IL1RAPL1: variants seen among roughly 807,000 people sequenced by gnomAD.
The protein encoded by IL1RAPL1 is interleukin-1 receptor accessory protein-like 1.
IL1RAPL1 carries 3 observed loss-of-function variants against 48.4 expected under a neutral mutation model. The ratio of observed to expected loss-of-function variants is 0.06; its 90% CI spans 0.03 to 0.16. IL1RAPL1 has a LOEUF of 0.16. IL1RAPL1 is among the 10% of genes least tolerant of loss of function. The pLI, the probability that IL1RAPL1 is intolerant of heterozygous loss-of-function variation, is 1.00. For missense variants in IL1RAPL1, 349 were observed against 530.6 expected (o/e 0.66, Z 3.36); for synonymous variants, 185 against 187.7 (o/e 0.99, Z 0.12).
intron 5 of IL1RAPL1, among the ~76,000 whole-genome samples, chrX:29,417,433 A>G (rs139135010): frequency 8.0e-4 from 90 of 111,960 alleles, no homozygotes; most frequent in African/African-American, 2.8e-3. Context: ...TGAACTGTAA[A>G]TGGGCAGTTC....
intron 1 of IL1RAPL1, among the ~76,000 whole-genome samples, chrX:28,613,473 T>C (rs1281793067): frequency 2.7e-5 from 3 of 113,194 alleles, no homozygotes; most frequent in Non-Finnish European, 5.6e-5. Context: ...AAGGACGGCC[T>C]GAGGCCTGGG....
intron 2 of IL1RAPL1, among the ~76,000 whole-genome samples, chrX:29,044,783 G>A (rs1189036440): frequency 9.0e-6 from 1 of 110,985 alleles, no homozygotes; most frequent in East Asian, 2.8e-4. Flanking sequence ...CTTGAAACTT[G>A]TTAACACCCA....
At chrX:28,835,524 A>G in intron 2 of IL1RAPL1, among the ~76,000 whole-genome samples, 1 of 111,004 alleles carries the variant, frequency 9.0e-6, no homozygotes, top group Non-Finnish European at 1.9e-5. Context: ...TCTGACCTTA[A>G]TATCTTAGGA....
chrX:29,671,349 C>A (rs1282846000), intron 6 of IL1RAPL1, among the ~76,000 whole-genome samples: 2 of 111,482 alleles, frequency 1.8e-5, no homozygotes, highest in African/African-American at 3.3e-5. Flanking sequence ...CATTTAAATT[C>A]TTTTATTGTA....
At chrX:29,665,280 A>G (rs1395417633) in intron 5 of IL1RAPL1, among the ~76,000 whole-genome samples, 1 of 112,631 alleles carries the variant, frequency 8.9e-6, no homozygotes, top group African/African-American at 3.2e-5. Flanking sequence ...TTCGTAACAC[A>G]AGTTGTTTTC....
At chrX:29,189,806 T>C (rs1930319076) in intron 2 of IL1RAPL1, among the ~76,000 whole-genome samples, 1 of 111,684 alleles carries the variant, frequency 9.0e-6, no homozygotes, top group South Asian at 3.7e-4. Flanking sequence ...GATCTGTATA[T>C]CAGGAAATGT....
At chrX:28,816,866 A>T (rs1056707132) in intron 2 of IL1RAPL1, among the ~76,000 whole-genome samples, 7 of 110,414 alleles carry the variant, frequency 6.3e-5, no homozygotes, top group Admixed American at 1.9e-4. Flanking sequence ...CACCAACAGT[A>T]TATAAGCATT....
chrX:29,509,978 G>T (rs182890700), intron 5 of IL1RAPL1, among the ~76,000 whole-genome samples: 4 of 112,037 alleles, frequency 3.6e-5, no homozygotes, highest in Non-Finnish European at 7.5e-5. Flanking sequence ...ATTACTGTCA[G>T]TTTAAACTGA....
At chrX:29,238,835 A>T (rs750124384) in intron 2 of IL1RAPL1, among the ~76,000 whole-genome samples, 1 of 112,587 alleles carries the variant, frequency 8.9e-6, no homozygotes, top group East Asian at 2.8e-4. Flanking sequence ...TGTGGACATG[A>T]ATAAAATGTT....
At chrX:29,704,253 A>G (rs1279066053) in intron 6 of IL1RAPL1, among the ~76,000 whole-genome samples, 1 of 111,514 alleles carries the variant, frequency 9.0e-6, no homozygotes, top group Non-Finnish European at 1.9e-5. Context: ...TCAATTATAG[A>G]TATCTTAAAA....
chrX:29,835,111 A>G (rs933818048), intron 6 of IL1RAPL1, among the ~76,000 whole-genome samples: 10 of 112,354 alleles, frequency 8.9e-5, no homozygotes, highest in Non-Finnish European at 1.3e-4. Flanking sequence ...ACAAGAATGC[A>G]CAATGCTTTT....
chrX:29,830,856 T>C (rs1930860104), intron 6 of IL1RAPL1, among the ~76,000 whole-genome samples: 1 of 111,316 alleles, frequency 9.0e-6, no homozygotes, highest in African/African-American at 3.3e-5. Flanking sequence ...TCTAGTTATA[T>C]GGGGATAGAG....
intron 2 of IL1RAPL1, among the ~76,000 whole-genome samples, chrX:28,910,200 G>A (rs761432053): frequency 9.0e-6 from 1 of 111,194 alleles, no homozygotes; most frequent in South Asian, 3.7e-4. Flanking sequence ...TGACATGAAA[G>A]GAAGCCTTTC....
intron 5 of IL1RAPL1, among the ~76,000 whole-genome samples, chrX:29,466,592 G>C (rs748280725): frequency 2.7e-4 from 28 of 104,387 alleles, no homozygotes; most frequent in Non-Finnish European, 2.1e-4. Flanking sequence ...TGTAATTATA[G>C]AAGAGAAAAA....
chrX:28,670,794 G>T (rs775218890), intron 1 of IL1RAPL1, among the ~76,000 whole-genome samples: 3 of 112,152 alleles, frequency 2.7e-5, no homozygotes, highest in South Asian at 7.3e-4. Context: ...CATAATGATA[G>T]TGATATGCTG....
chrX:29,569,527 C>A (rs983672721), intron 5 of IL1RAPL1, among the ~76,000 whole-genome samples: 7 of 110,906 alleles, frequency 6.3e-5, no homozygotes, highest in African/African-American at 2.0e-4. Flanking sequence ...CAAGGCCTAA[C>A]TCTCTTCACT....
intron 1 of IL1RAPL1, among the ~76,000 whole-genome samples, chrX:28,761,086 C>A (rs866493731): frequency 2.7e-4 from 24 of 89,259 alleles, no homozygotes; most frequent in Admixed American, 7.7e-4. Context: ...GACTCCTTCT[C>A]AAAAAAAAAA....
intron 3 of IL1RAPL1, among the ~76,000 whole-genome samples, chrX:29,294,228 TAATG>T (rs1932414200): frequency 9.0e-6 from 1 of 110,685 alleles, no homozygotes; most frequent in African/African-American, 3.3e-5. Context: ...AAAAATTAAA[TAATG>T]AATGAAAACA....
intron 5 of IL1RAPL1, among the ~76,000 whole-genome samples, chrX:29,561,686 GT>G (rs1357140403): frequency 8.9e-6 from 1 of 111,754 alleles, no homozygotes; most frequent in Non-Finnish European, 1.9e-5. Context: ...AAATGAAACT[GT>G]TTTCCTTACC....
Sources: allele counts gnomAD v4.1 joint callset (sites outside exome capture counted in the v4.1 genomes callset), GRCh38; gene constraint gnomAD v4.1.1; transcripts MANE v1.5; gene names NCBI Gene and HGNC (gene_info 2026-07-23, HGNC 2026-07-21).